The following CACNA1C variants were observed in gnomAD, a reference collection of about 807,000 sequenced individuals.
The protein encoded by CACNA1C is calcium voltage-gated channel subunit alpha1 C.
CACNA1C carries 30 observed loss-of-function variants against 229.0 expected under a neutral mutation model. The ratio of observed to expected loss-of-function variants is 0.13; its 90% CI spans 0.10 to 0.18. The LOEUF is 0.18. Among genes scored for constraint, CACNA1C ranks in the 10% least tolerant of loss-of-function variants. The pLI, the probability that CACNA1C is intolerant of heterozygous loss-of-function variation, is 1.00. For missense variants in CACNA1C, 1,658 were observed against 2,845.0 expected (o/e 0.58, Z 9.49); for synonymous variants, 1,114 against 1,132.5 (o/e 0.98, Z 0.33).
Position 2,512,995 on chromosome 12 carries a change from GTCT to G in CACNA1C, c.1390+18_1390+20del, listed in dbSNP as rs746828301. ...AGAAGCCCCGAAACAGTGAGCAGCCGTCTTCTTCTGTGTTTGGGCTGGGTTCTG... is the reference window on the plus strand; with the variant it reads ...AGAAGCCCCGAAACAGTGAGCAGCCGTCTTCTGTGTTTGGGCTGGGTTCTG... On this transcript the variant is annotated intron_variant, in intron 9 of 46. Coordinates refer to ENST00000399655, the MANE Select transcript of CACNA1C (RefSeq NM_000719.7). This position sits in a 1 kb window ranked among gnomAD's most constrained non-coding sequence, Gnocchi z 4.3. 6 of 1,584,500 alleles carry G rather than the reference GTCT, an allele frequency of 3.8e-6. No individual in the cohort carries two copies. The East Asian group carries it at 9.2e-5, about 24-fold the overall frequency.
chr12:2,302,013 C>G (rs901329793), intron 3 of CACNA1C, among the ~76,000 whole-genome samples: 1 of 152,108 alleles, frequency 6.6e-6, no homozygotes, highest in Non-Finnish European at 1.5e-5. Context: ...AAGTATGATC[C>G]AACTGATTTA....
intron 3 of CACNA1C, among the ~76,000 whole-genome samples, chr12:2,226,803 G>A (rs1332093823): frequency 1.3e-5 from 2 of 152,206 alleles, no homozygotes; most frequent in Admixed American, 6.5e-5. Context: ...TTTTCAGCAC[G>A]AGTTTCAAGT....
intron 1 of CACNA1C, among the ~76,000 whole-genome samples, chr12:1,973,287 G>A (rs2033132424): frequency 6.6e-6 from 1 of 152,146 alleles, no homozygotes; most frequent in African/African-American, 2.4e-5. Context: ...CAAAGCAGAT[G>A]AGAAGCAGTT....
intron 3 of CACNA1C, among the ~76,000 whole-genome samples, chr12:2,235,656 G>T (rs1168329501): frequency 6.6e-6 from 1 of 152,108 alleles, no homozygotes; most frequent in Non-Finnish European, 1.5e-5. Context: ...AGTGTATTAC[G>T]CTTCAGGTTG....
intron 1 of CACNA1C, among the ~76,000 whole-genome samples, chr12:1,975,929 A>C (rs1441150425): frequency 6.6e-6 from 1 of 152,156 alleles, no homozygotes; most frequent in South Asian, 2.1e-4. Context: ...GGTGAAGAGA[A>C]GGGTTGTTTA....
chr12:2,151,975 T>TG (rs2154216236), intron 3 of CACNA1C, among the ~76,000 whole-genome samples: 1 of 152,330 alleles, frequency 6.6e-6, no homozygotes, highest in African/African-American at 2.4e-5. Flanking sequence ...GGTGGATGAC[T>TG]TACAGTCAGC....
intron 1 of CACNA1C, among the ~76,000 whole-genome samples, chr12:2,062,404 G>T (rs948716524): frequency 1.3e-5 from 2 of 152,218 alleles, no homozygotes; most frequent in African/African-American, 4.8e-5. Flanking sequence ...TTGGGGCTGG[G>T]AATTAAATTC....
In CACNA1C at chr12:2,301,443, G is replaced by A. The variant is rs78915705; in HGVS notation, c.478-147533G>A. On this transcript the variant is annotated intron_variant, in intron 3 of 46. Coordinates refer to ENST00000399655, the MANE Select transcript of CACNA1C (RefSeq NM_000719.7). ...ATTTCGCACAGAAGGTACCTGATCC[G>A]TGATTTGCCCCGGAGGTGAAAATGA... Among the ~76,000 whole-genome samples, 622 of 152,276 alleles carry A rather than the reference G, an allele frequency of 4.1e-3. 5 individuals are homozygous for A. Among genetic ancestry groups the A allele is most frequent in the African/African-American group, 9.9e-3 (413 of 41,532 alleles).
At chr12:2,025,628 T>C (rs565343947) in intron 1 of CACNA1C, among the ~76,000 whole-genome samples, 1 of 152,346 alleles carries the variant, frequency 6.6e-6, no homozygotes, top group Admixed American at 6.5e-5. Flanking sequence ...TTCTGTCTTC[T>C]GACTCAAATC....
chr12:2,535,478 C>CCCAAA (rs2099851324), intron 9 of CACNA1C, among the ~76,000 whole-genome samples: 1 of 151,488 alleles, frequency 6.6e-6, no homozygotes, highest in Admixed American at 6.6e-5. Flanking sequence ...GTGGGATGAT[C>CCCAAA]GCTTGATCCC....
intron 3 of CACNA1C, among the ~76,000 whole-genome samples, chr12:2,233,883 C>T (rs546117662): frequency 6.6e-6 from 1 of 152,274 alleles, no homozygotes; most frequent in African/African-American, 2.4e-5. Context: ...CTTTCCTCCA[C>T]CTACAAGTCA....
intron 3 of CACNA1C, among the ~76,000 whole-genome samples, chr12:2,337,094 C>T (rs2096719707): frequency 6.6e-6 from 1 of 152,212 alleles, no homozygotes; most frequent in Non-Finnish European, 1.5e-5. Context: ...GGACTGGTTT[C>T]CATCCTCGAG....
intron 11 of CACNA1C, among the ~76,000 whole-genome samples, chr12:2,564,225 T>C (rs2049058709): frequency 6.6e-6 from 1 of 152,208 alleles, no homozygotes; most frequent in South Asian, 2.1e-4. Context: ...CCTTACGATA[T>C]GATACGCACT....
At chr12:2,082,734 C>G (rs12300095) in intron 1 of CACNA1C, among the ~76,000 whole-genome samples, 71 of 152,292 alleles carry the variant, frequency 4.7e-4, no homozygotes, top group African/African-American at 1.7e-3. Context: ...CTAAGCTACA[C>G]TGGACCCTGT....
intron 7 of CACNA1C, among the ~76,000 whole-genome samples, chr12:2,502,068 G>C (rs1481367834): frequency 6.6e-6 from 1 of 152,236 alleles, no homozygotes; most frequent in Non-Finnish European, 1.5e-5. Context: ...CAGGCCTGCT[G>C]AGCCTGGCCC....
At chr12:2,195,365 C>T (rs2097369012) in intron 3 of CACNA1C, among the ~76,000 whole-genome samples, 2 of 152,212 alleles carry the variant, frequency 1.3e-5, no homozygotes, top group Non-Finnish European at 2.9e-5. Context: ...CTCACTGGGG[C>T]TCATGGCTGT....
At chr12:2,094,854 C>T (rs2073132099) in intron 1 of CACNA1C, among the ~76,000 whole-genome samples, 1 of 152,178 alleles carries the variant, frequency 6.6e-6, no homozygotes, top group Admixed American at 6.5e-5. Context: ...TCCAGGTGCT[C>T]AGCCCTTCCT....
chr12:2,003,691 A>G (rs1339626912), intron 1 of CACNA1C, among the ~76,000 whole-genome samples: 2 of 152,204 alleles, frequency 1.3e-5, no homozygotes, highest in African/African-American at 4.8e-5. Context: ...CCGTGTAATA[A>G]TCTTCCCAAG....
intron 13 of CACNA1C, among the ~76,000 whole-genome samples, chr12:2,570,543 T>C (rs140887422): frequency 6.6e-6 from 1 of 152,344 alleles, no homozygotes; most frequent in African/African-American, 2.4e-5. Flanking sequence ...AATAGTGACC[T>C]ACATATTCAC....
Sources: gnomAD v4.1 joint callset for allele counts (sites outside exome capture counted in the v4.1 genomes callset) on GRCh38, gnomAD v4.1.1 for gene constraint, Gnocchi (gnomAD v3.1) non-coding constraint, MANE v1.5 for transcripts, NCBI Gene and HGNC (gene_info 2026-07-23, HGNC 2026-07-21) for gene names.